ANO10: variants seen among roughly 807,000 people sequenced by gnomAD.
The protein encoded by ANO10 is anoctamin-10.
A neutral mutation model predicts 74.7 loss-of-function variants in ANO10; 77 were observed. The observed-to-expected ratio is 1.03, with a 90% CI of 0.86 to 1.25. The LOEUF is 1.25. Ranked by LOEUF, ANO10 falls within the 50% of genes most tolerant of loss-of-function variation. ANO10 has a pLI of 0.00. For missense variants in ANO10, 721 were observed against 778.1 expected, an observed-to-expected ratio of 0.93 and a Z score of 0.87; for synonymous variants, 279 against 284.9, an observed-to-expected ratio of 0.98 and a Z score of 0.21.
intron 11 of ANO10, among the ~76,000 whole-genome samples, chr3:43,508,264 G>A (rs2077371047): frequency 6.6e-6 from 1 of 152,104 alleles, no homozygotes; most frequent in Admixed American, 6.5e-5. Context: ...AAAAATAGTT[G>A]CAAACCACAT....
chr3:43,540,532 C>G (rs2078908430), intron 11 of ANO10, among the ~76,000 whole-genome samples: 1 of 152,190 alleles, frequency 6.6e-6, no homozygotes, highest in African/African-American at 2.4e-5. Context: ...GAAATGATGG[C>G]TCTATTTTAG....
intron 12 of ANO10, among the ~76,000 whole-genome samples, chr3:43,420,323 G>T (rs186741919): frequency 2.6e-5 from 4 of 152,158 alleles, no homozygotes; most frequent in Non-Finnish European, 5.9e-5. Context: ...GCGCACACCT[G>T]TAGTCCCAGA....
At chr3:43,427,110 G>C (rs2092910222) in intron 12 of ANO10, among the ~76,000 whole-genome samples, 1 of 152,074 alleles carries the variant, frequency 6.6e-6, no homozygotes, top group African/African-American at 2.4e-5. Context: ...CCTTCCCATA[G>C]ACTGGGGAAT....
chr3:43,598,401 G>C, intron 4 of ANO10, 131 bp downstream of exon 4: 4 of 899,630 alleles, frequency 4.4e-6, no homozygotes, highest in African/African-American at 3.4e-5. Context: ...GGTTCCAAAG[G>C]GAAAAGATAT....
intron 4 of ANO10, among the ~76,000 whole-genome samples, chr3:43,593,833 G>A (rs189781613): frequency 1.1e-3 from 165 of 152,180 alleles, no homozygotes; most frequent in African/African-American, 2.9e-3. Context: ...ATAAAGAGTC[G>A]AGACCCATCA....
At chr3:43,628,923 A>AGTCCTGTG (rs1209507162) in intron 1 of ANO10, among the ~76,000 whole-genome samples, 2 of 152,198 alleles carry the variant, frequency 1.3e-5, no homozygotes, top group Non-Finnish European at 2.9e-5. Context: ...ATTTCGCCCC[A>AGTCCTGTG]GTCCTGTGGT....
intron 1 of ANO10, among the ~76,000 whole-genome samples, chr3:43,618,267 C>T (rs2083219761): frequency 6.6e-6 from 1 of 152,138 alleles, no homozygotes; most frequent in African/African-American, 2.4e-5. Context: ...AGGTGAGACA[C>T]AGGATACTGA....
Position 43,674,842 on chromosome 3 carries a change from AT to A in ANO10, c.-12+16674del, listed in dbSNP as rs1346930681. Reference sequence around the variant, plus strand: ...TGTCCCTGCCTCTATCCATCCATCCATCATTAGATGTGAGCCTCTCCTAGAA... The same window carrying A: ...TGTCCCTGCCTCTATCCATCCATCCACATTAGATGTGAGCCTCTCCTAGAA... On this transcript the variant is annotated intron_variant, in intron 1 of 3. Coordinates refer to the ANO10 transcript ENST00000413397. 3.9e-5 allele frequency among the ~76,000 whole-genome samples: 6 copies of A among 152,298 alleles called. No individual in the cohort carries two copies. The East Asian group carries it at 1.2e-3, about 29-fold the overall frequency.
chr3:43,571,573 A>C lies in ANO10; in HGVS notation c.1218+3236T>G, dbSNP rs1321148225. Among the ~76,000 whole-genome samples, 6 of 151,974 alleles carry C rather than the reference A, an allele frequency of 3.9e-5. No homozygotes were observed. In the South Asian group the frequency reaches 1.0e-3, roughly 26 times the overall value. On this transcript the variant is annotated intron_variant, in intron 7 of 12. Transcript: ENST00000292246. ...AACTGGAAATCATCATTCTCAGTAA[A>C]CTATCGCAAGAACAAAAAACCAAAC...
chr3:43,620,383 C>T (rs912343058), intron 1 of ANO10, among the ~76,000 whole-genome samples: 1 of 152,080 alleles, frequency 6.6e-6, no homozygotes, highest in Non-Finnish European at 1.5e-5. Context: ...CACAAAAATA[C>T]AAAAATTAGG....
chr3:43,374,065 A>C (rs1363706574), intron 12 of ANO10, among the ~76,000 whole-genome samples: 1 of 152,210 alleles, frequency 6.6e-6, no homozygotes, highest in Non-Finnish European at 1.5e-5. Flanking sequence ...AGGCTTCAGC[A>C]TGGAGTGGAC....
Position 43,549,793 on chromosome 3 carries a change from C to G in ANO10, c.1724G>C (p.Gly575Ala), listed in dbSNP as rs865842244. Residue 575 changes from glycine to alanine, a missense_variant, in exon 11 of 13, where the codon GGA (glycine) becomes GCA (alanine). Transcript: ENST00000292246. ...GACTGCATTCACTTGTGGTGACATT[C>G]CAATCAGCGCACAGTTAGTGACCAC... ...ISVVTNCALI[G>A]MSPQVNAVFP... The G allele has an allele frequency of 6.2e-7, 1 of 1,613,996 alleles. No homozygotes were observed. Among genetic ancestry groups the G allele is most frequent in the South Asian group, 1.1e-5 (1 of 91,078 alleles).
intron 11 of ANO10, among the ~76,000 whole-genome samples, chr3:43,514,529 G>A (rs996094659): frequency 2.0e-5 from 3 of 152,004 alleles, no homozygotes; most frequent in Admixed American, 6.6e-5. Flanking sequence ...CAATTATAAC[G>A]GAAAATTTCA....
intron 11 of ANO10, among the ~76,000 whole-genome samples, chr3:43,443,163 GACAGGGA>G (rs1440558801): frequency 3.3e-5 from 5 of 152,174 alleles, no homozygotes; most frequent in Non-Finnish European, 4.4e-5. Context: ...CACAGGGAAT[GACAGGGA>G]ACCACTAATA....
chr3:43,451,652 C>T (rs950998068), intron 11 of ANO10, among the ~76,000 whole-genome samples: 3 of 152,036 alleles, frequency 2.0e-5, no homozygotes, highest in African/African-American at 7.2e-5. Context: ...GGAGGATTTG[C>T]AAAAGAAATA....
chr3:43,686,584 C>T (rs1212842567), intron 1 of ANO10, among the ~76,000 whole-genome samples: 1 of 152,208 alleles, frequency 6.6e-6, no homozygotes, highest in Non-Finnish European at 1.5e-5. Context: ...CCACACCCAG[C>T]CCAAACTCTC....
intron 1 of ANO10, among the ~76,000 whole-genome samples, chr3:43,640,180 A>G (rs761937877): frequency 2.6e-4 from 39 of 152,218 alleles, no homozygotes; most frequent in Non-Finnish European, 4.6e-4. Flanking sequence ...CAATTTCACA[A>G]GACCTCTCAT....
chr3:43,406,816 C>G (rs1291464104), intron 12 of ANO10, among the ~76,000 whole-genome samples: 3 of 152,160 alleles, frequency 2.0e-5, no homozygotes, highest in Non-Finnish European at 4.4e-5. Flanking sequence ...CACAACAGTG[C>G]CAGTTGATCA....
chr3:43,371,220 C>A (rs542080026), intron 12 of ANO10, among the ~76,000 whole-genome samples: 1 of 152,276 alleles, frequency 6.6e-6, no homozygotes, highest in East Asian at 1.9e-4. Flanking sequence ...GAGCCCTTGG[C>A]TGAAGGATAG....
Sources: gnomAD v4.1 joint callset for allele counts (sites outside exome capture counted in the v4.1 genomes callset) on GRCh38, gnomAD v4.1.1 for gene constraint, MANE v1.5 for transcripts, NCBI Gene and HGNC (gene_info 2026-07-23, HGNC 2026-07-21) for gene names.